Variants in SRSF4 observed in about 807,000 individuals in gnomAD.
SRSF4 encodes the protein serine and arginine rich splicing factor 4.
In SRSF4, 12 loss-of-function variants were observed where a neutral mutation model predicts 48.8. The observed-to-expected ratio is 0.25, with a 90% CI of 0.16 to 0.40. The LOEUF is 0.40. SRSF4 is among the 10% of genes least tolerant of loss of function. The pLI is 1.00. For missense variants in SRSF4, 466 were observed against 667.1 expected (o/e 0.70, Z 3.32); for synonymous variants, 248 against 232.5 (o/e 1.07, Z -0.61).
At chr1:29,166,219 T>C (rs902206456) in intron 1 of SRSF4, among the ~76,000 whole-genome samples, 1 of 152,186 alleles carries the variant, frequency 6.6e-6, no homozygotes, top group African/African-American at 2.4e-5. Flanking sequence ...AACAGCTTTG[T>C]TTCAAAGCAC....
chr1:29,160,502 C>T lies in SRSF4; in HGVS notation c.123G>A (p.Glu41=), dbSNP rs772554495. Residue 41 remains glutamate, a synonymous_variant, in exon 2 of 6, where the codon GAG becomes GAA. Transcript: ENST00000373795. ...CATCTGCATCACGCAGATCATCAAA[C>T]TCCACAAAACCATATCTAGAAGAGA... ...VDLKNGYGFV[E]FDDLRDADDA... 2.5e-6 allele frequency: 4 copies of T among 1,611,384 alleles called. No individual in the cohort carries two copies. In the East Asian group the frequency reaches 6.7e-5, roughly 27 times the overall value.
chr1:29,157,928 AG>A (rs34210540), intron 3 of SRSF4, among the ~76,000 whole-genome samples: 7 of 152,226 alleles, frequency 4.6e-5, no homozygotes, highest in African/African-American at 1.7e-4. Flanking sequence ...CCAGCACTTT[AG>A]GAGGCCAAGG....
chr1:29,149,238 T>A lies in SRSF4; in HGVS notation c.669-12A>T. 1 of 1,602,792 alleles carries A rather than the reference T, an allele frequency of 6.2e-7. No homozygotes were observed. The highest frequency in any genetic ancestry group is 2.2e-5 in the East Asian group (1 of 44,864). ...AGCGGGAGCCCGACCTGAGGAGACA[T>A]GGGATACTGTTTGTGTCACATGTGA... On this transcript the variant is annotated splice_polypyrimidine_tract_variant and intron_variant, in intron 5 of 5. Coordinates refer to ENST00000373795, the MANE Select transcript of SRSF4 (RefSeq NM_005626.5).
chr1:29,173,041 A>T (rs1387265628), intron 1 of SRSF4: 1 of 151,644 alleles, frequency 6.6e-6, no homozygotes, highest in East Asian at 1.9e-4. Flanking sequence ...TCTTAAAAGG[A>T]TGCTTAATGA....
rs1010814047 is a variant in SRSF4, at chr1:29,149,596, G to A, written c.669-370C>T. ...CTCAGGAGGCTGAGGCAGGAGAATC[G>A]CTTGAACCCGTGAGGCAGAGGTTGC... is the stretch of plus-strand genomic sequence containing the variant. On this transcript the variant is annotated intron_variant, in intron 5 of 5. Transcript: ENST00000373795. Among the ~76,000 whole-genome samples, 17 of 151,102 alleles carry A rather than the reference G, an allele frequency of 1.1e-4. 1 individual carries two copies. The highest frequency in any genetic ancestry group is 8.6e-4 in the Admixed American group (13 of 15,114).
intron 2 of SRSF4, chr1:29,159,712 C>A: frequency 2.1e-5 from 7 of 337,166 alleles, no homozygotes; most frequent in Non-Finnish European, 3.2e-5. Flanking sequence ...TTAATATTTG[C>A]ATTTAAGATT....
intron 4 of SRSF4, among the ~76,000 whole-genome samples, chr1:29,152,844 G>A (rs189770857): frequency 1.3e-5 from 2 of 151,870 alleles, no homozygotes; most frequent in African/African-American, 2.4e-5. Flanking sequence ...GCTTGAACCC[G>A]GGAGGTGGAA....
intron 1 of SRSF4, among the ~76,000 whole-genome samples, chr1:29,179,817 C>A (rs1357150277): frequency 6.6e-6 from 1 of 152,174 alleles, no homozygotes; most frequent in African/African-American, 2.4e-5. Flanking sequence ...TTAATTTATT[C>A]AAGAGCAGAA....
intron 1 of SRSF4, chr1:29,172,744 G>A (rs551431816): frequency 6.6e-6 from 1 of 152,232 alleles, no homozygotes; most frequent in African/African-American, 2.4e-5. Context: ...CTCCTGCTGT[G>A]ACACATGAAT....
At chr1:29,153,576 T>A (rs1672449964) in intron 4 of SRSF4, among the ~76,000 whole-genome samples, 1 of 151,552 alleles carries the variant, frequency 6.6e-6, no homozygotes, top group Admixed American at 6.6e-5. Flanking sequence ...CAAGAAGAAA[T>A]GTGAAAGGTG....
At chr1:29,176,194 G>C (rs1318321147) in intron 1 of SRSF4, among the ~76,000 whole-genome samples, 1 of 152,140 alleles carries the variant, frequency 6.6e-6, no homozygotes, top group African/African-American at 2.4e-5. Context: ...GGAAGTTGCA[G>C]TGAGCTGAGA....
At position 29,151,372 on chromosome 1, in the gene SRSF4, C is replaced by CT. The variant is rs1672405516; in HGVS notation, c.579-1181dup. ...ATAAGCCAGGAGTGGTGGCTCACGC[C>CT]TGTAATCCTAGCTACTTGGGAGGCT... On this transcript the variant is annotated intron_variant, in intron 4 of 5. Coordinates refer to ENST00000373795, the MANE Select transcript of SRSF4 (RefSeq NM_005626.5). Among the ~76,000 whole-genome samples, 2 of 152,184 alleles carry CT rather than the reference C, an allele frequency of 1.3e-5. 1 individual carries two copies. The highest frequency in any genetic ancestry group is 4.1e-4 in the South Asian group (2 of 4,836).
At chr1:29,153,303 A>C (rs1454505283) in intron 4 of SRSF4, among the ~76,000 whole-genome samples, 2 of 150,526 alleles carry the variant, frequency 1.3e-5, no homozygotes, top group East Asian at 4.0e-4. Context: ...ATGCCTGGCT[A>C]ATTTTTTTTT....
At chr1:29,168,079 G>A (rs980373324) in intron 1 of SRSF4, among the ~76,000 whole-genome samples, 1 of 150,606 alleles carries the variant, frequency 6.6e-6, no homozygotes, top group African/African-American at 2.4e-5. Context: ...GCAGCGGCGC[G>A]ATCTCCACTC....
At chr1:29,153,690 C>T in intron 4 of SRSF4, among the ~76,000 whole-genome samples, 1 of 150,116 alleles carries the variant, frequency 6.7e-6, no homozygotes, top group South Asian at 2.1e-4. Context: ...CCTCCGCCTC[C>T]CAGGTTCAAG....
intron 1 of SRSF4, among the ~76,000 whole-genome samples, chr1:29,164,456 CCT>C (rs1488046805): frequency 2.0e-5 from 3 of 152,168 alleles, no homozygotes; most frequent in Admixed American, 6.5e-5. Context: ...CCTTTTGAAT[CCT>C]CTGTCAGAGT....
intron 3 of SRSF4, among the ~76,000 whole-genome samples, chr1:29,156,231 G>A (rs191149629): frequency 2.0e-5 from 3 of 151,926 alleles, no homozygotes; most frequent in African/African-American, 4.8e-5. Flanking sequence ...GCAGGCGCTT[G>A]TAACCCCAGC....
Position 29,149,045 on chromosome 1 carries a change from C to T in SRSF4, c.850G>A (p.Gly284Arg), listed in dbSNP as rs747982490. The part of the protein sequence containing the change: ...EEKIQNNDNV[G>R]KPKSRSPSRH... ...CTAGGACTCCGGCTCTTGGGTTTCC[C>T]GACATTGTCATTGTTTTGGATCTTC... Residue 284 changes from glycine to arginine, a missense_variant, in exon 6 of 6, where the codon GGG (glycine) becomes AGG (arginine). This residue lies in a region of SRSF4 where 402 missense variants were observed against 437.0 expected (regional missense o/e 0.92). Transcript: ENST00000373795. 1.5e-4 allele frequency: 235 copies of T among 1,613,496 alleles called. No individual in the cohort carries two copies. In the East Asian group the frequency reaches 2.1e-3, roughly 14 times the overall value.
chr1:29,162,618 C>T (rs887093845), intron 1 of SRSF4, among the ~76,000 whole-genome samples: 2 of 152,186 alleles, frequency 1.3e-5, no homozygotes, highest in Non-Finnish European at 2.9e-5. Context: ...GAGAGCCTGA[C>T]GCCATGCGGA....
Sources: allele counts gnomAD v4.1 joint callset (sites outside exome capture counted in the v4.1 genomes callset), GRCh38; gene constraint gnomAD v4.1.1; regional missense constraint gnomAD v4.1.1; transcripts MANE v1.5; gene names NCBI Gene and HGNC (gene_info 2026-07-23, HGNC 2026-07-21).